The following ARHGEF3 variants were observed in gnomAD, a reference collection of about 807,000 sequenced individuals.
ARHGEF3 encodes the protein Rho guanine nucleotide exchange factor 3, also known as 59.8 kDA protein.
ARHGEF3 carries 28 observed loss-of-function variants against 63.2 expected under a neutral mutation model. The observed-to-expected ratio is 0.44, with a 90% confidence interval of 0.33 to 0.61. ARHGEF3 has a LOEUF of 0.61. Ranked by LOEUF, ARHGEF3 falls within the 20% of genes least tolerant of loss-of-function variation. The pLI is 0.03. For synonymous variants in ARHGEF3, 266 were observed against 254.2 expected (o/e 1.05, Z -0.44); for missense variants, 533 against 659.3 (o/e 0.81, Z 2.10).
In ARHGEF3 at chr3:57,039,198, T is replaced by C. The variant is rs560777982; in HGVS notation, c.-27-4022A>G. ...CCTCAGCTGGCAGGATCAGCACCCATTGGTATTTGCTGATACCTCCTGCAT... is the reference window on the plus strand; with the variant it reads ...CCTCAGCTGGCAGGATCAGCACCCACTGGTATTTGCTGATACCTCCTGCAT... On this transcript the variant is annotated intron_variant, in intron 1 of 12. Transcript: ENST00000338458. Among the ~76,000 whole-genome samples, 249 of 152,296 alleles carry C rather than the reference T, an allele frequency of 1.6e-3. No homozygotes were observed. The Middle Eastern group carries it at 0.044, about 27-fold the overall frequency.
At chr3:56,967,958 TAAAA>T (rs1439273018) in intron 2 of ARHGEF3, among the ~76,000 whole-genome samples, 3 of 66,052 alleles carry the variant, frequency 4.5e-5, no homozygotes, top group Non-Finnish European at 7.8e-5. Context: ...ATTATATATA[TAAAA>T]TATATTTTAT....
At chr3:56,979,583 G>A (rs2106893915) in intron 2 of ARHGEF3, among the ~76,000 whole-genome samples, 2 of 152,328 alleles carry the variant, frequency 1.3e-5, no homozygotes, top group Admixed American at 1.3e-4. Flanking sequence ...CCCTCACTAG[G>A]AATAAAGTAG....
intron 2 of ARHGEF3, among the ~76,000 whole-genome samples, chr3:56,977,577 G>A (rs1701172907): frequency 6.6e-6 from 1 of 152,160 alleles, no homozygotes; most frequent in African/African-American, 2.4e-5. Flanking sequence ...GGTTCCCCAG[G>A]TCCCTGGACA....
intron 3 of ARHGEF3, among the ~76,000 whole-genome samples, chr3:56,914,120 T>C (rs1209834695): frequency 1.3e-5 from 2 of 152,152 alleles, no homozygotes; most frequent in Admixed American, 1.3e-4. Flanking sequence ...CTTTGGGGAC[T>C]TGAGGGGAAG....
At chr3:56,861,766 T>G (rs2040079900) in intron 4 of ARHGEF3, among the ~76,000 whole-genome samples, 1 of 152,086 alleles carries the variant, frequency 6.6e-6, no homozygotes, top group Non-Finnish European at 1.5e-5. Context: ...CCAAAGATCC[T>G]GCCGGAAGCA....
intron 3 of ARHGEF3, among the ~76,000 whole-genome samples, chr3:56,916,045 C>A (rs1044361304): frequency 6.6e-6 from 1 of 152,174 alleles, no homozygotes; most frequent in Admixed American, 6.5e-5. Context: ...CAGCTATGCA[C>A]GCCACTCAGC....
At chr3:56,906,575 C>A (rs555469497) in intron 3 of ARHGEF3, among the ~76,000 whole-genome samples, 15 of 152,282 alleles carry the variant, frequency 9.9e-5, no homozygotes, top group African/African-American at 3.6e-4. Flanking sequence ...GTGGTTCACG[C>A]CTATAATCCT....
chr3:56,985,287 C>A (rs891834417), intron 2 of ARHGEF3, among the ~76,000 whole-genome samples: 1 of 152,246 alleles, frequency 6.6e-6, no homozygotes, highest in African/African-American at 2.4e-5. Flanking sequence ...GAGGGTTTCA[C>A]CATGTTGGCC....
chr3:56,923,420 A>C (rs1160809396), intron 3 of ARHGEF3, among the ~76,000 whole-genome samples: 11 of 152,050 alleles, frequency 7.2e-5, no homozygotes, highest in Admixed American at 7.2e-4. Flanking sequence ...TCCTCCTAGC[A>C]AATTGAAAAG....
intron 2 of ARHGEF3, among the ~76,000 whole-genome samples, chr3:57,010,298 CA>C (rs779675954): frequency 7.3e-5 from 11 of 151,006 alleles, no homozygotes; most frequent in South Asian, 4.2e-4. Flanking sequence ...ACTAAAAATA[CA>C]AAAAAAATTA....
intron 3 of ARHGEF3, among the ~76,000 whole-genome samples, chr3:56,898,388 T>C (rs930022227): frequency 1.3e-5 from 2 of 151,984 alleles, no homozygotes; most frequent in Non-Finnish European, 2.9e-5. Flanking sequence ...TTTGTATTTT[T>C]AGTGGAGAGG....
intron 2 of ARHGEF3, among the ~76,000 whole-genome samples, chr3:57,019,310 C>T (rs141326491): frequency 0.011 from 1,727 of 152,306 alleles, 25 homozygotes; most frequent in Middle Eastern, 0.034. Context: ...ACCTCCCTTC[C>T]CGGCACAATT....
chr3:56,810,359 C>A (rs1003875127), intron 4 of ARHGEF3, among the ~76,000 whole-genome samples: 1 of 152,022 alleles, frequency 6.6e-6, no homozygotes, highest in Non-Finnish European at 1.5e-5. Context: ...GCCTGGGCAA[C>A]ATGCTGAAAC....
At chr3:57,064,019 C>A (rs1457923843) in intron 1 of ARHGEF3, among the ~76,000 whole-genome samples, 1 of 152,244 alleles carries the variant, frequency 6.6e-6, no homozygotes, top group African/African-American at 2.4e-5. Context: ...GTAATCCCAG[C>A]ACTTTGGGAG....
chr3:56,929,150 G>C (rs965085221), intron 3 of ARHGEF3, among the ~76,000 whole-genome samples: 1 of 152,188 alleles, frequency 6.6e-6, no homozygotes, highest in Non-Finnish European at 1.5e-5. Context: ...GGGAAGAAGG[G>C]TCTAGAAAGG....
intron 8 of ARHGEF3, among the ~76,000 whole-genome samples, chr3:56,735,752 G>C (rs1314129182): frequency 6.6e-6 from 1 of 152,144 alleles, no homozygotes; most frequent in Non-Finnish European, 1.5e-5. Context: ...TAGTCCCACA[G>C]ACACACGTCT....
At chr3:56,916,580 G>A in intron 3 of ARHGEF3, 1 of 1,079,744 alleles carries the variant, frequency 9.3e-7, no homozygotes, top group Non-Finnish European at 1.2e-6. Context: ...AGCACTCTTT[G>A]GGCATTCAAA....
intron 4 of ARHGEF3, among the ~76,000 whole-genome samples, chr3:56,834,149 C>T (rs546360800): frequency 4.6e-5 from 7 of 152,166 alleles, no homozygotes; most frequent in South Asian, 2.1e-4. Context: ...GTGGTCTGCC[C>T]GCCTCAGCCT....
At chr3:57,014,742 G>A (rs149928935) in intron 2 of ARHGEF3, among the ~76,000 whole-genome samples, 2,320 of 151,038 alleles carry the variant, frequency 0.015, 76 homozygotes, top group African/African-American at 0.054. Flanking sequence ...GTGCAGTGGC[G>A]TGATGTCAGC....
Sources: gnomAD v4.1 joint callset for allele counts (sites outside exome capture counted in the v4.1 genomes callset) on GRCh38, gnomAD v4.1.1 for gene constraint, MANE v1.5 for transcripts, NCBI Gene and HGNC (gene_info 2026-07-23, HGNC 2026-07-21) for gene names.